The following UBE2G1 variants were observed in gnomAD, a reference collection of about 807,000 sequenced individuals.
UBE2G1 encodes ubiquitin conjugating enzyme E2 G1, also known as ubiquitin-conjugating enzyme E2 G1.
A neutral mutation model predicts 22.7 loss-of-function variants in UBE2G1; 5 were observed. The observed-to-expected ratio is 0.22, with a 90% CI of 0.12 to 0.46. UBE2G1 has a LOEUF of 0.46. Ranked by LOEUF, UBE2G1 falls within the 20% of genes least tolerant of loss-of-function variation. The pLI is 0.99. For missense variants in UBE2G1, 88 were observed against 203.9 expected (o/e 0.43, Z 3.46); for synonymous variants, 74 against 67.5 (o/e 1.10, Z -0.47).
Position 4,366,282 on chromosome 17 carries a change from C to T in UBE2G1, c.35G>A (p.Arg12Lys), listed in dbSNP as rs200440078. ...TELQSALLLR[R>K]QLAELNKNPV... is the part of the protein sequence containing the mutation. ...GCCCGCCTGCTCACCTGCCAGCTGT[C>T]TTCGCAGTAGCAGTGCCGACTGCAG... is the stretch of plus-strand genomic sequence containing the variant. Residue 12 changes from arginine to lysine, a missense_variant, in exon 1 of 6, where the codon AGA (arginine) becomes AAA (lysine). Physicochemically the swap from Arg to Lys is conservative, Grantham distance 26 (BLOSUM62 2). Transcript: ENST00000396981. The T allele has an allele frequency of 1.9e-6, 3 of 1,555,964 alleles. No individual in the cohort carries two copies. The highest frequency in any genetic ancestry group is 1.7e-6 in the Non-Finnish European group (2 of 1,160,292).
At chr17:4,317,288 T>A (rs1969386614) in intron 1 of UBE2G1, among the ~76,000 whole-genome samples, 2 of 152,124 alleles carry the variant, frequency 1.3e-5, no homozygotes, top group Admixed American at 1.3e-4. Context: ...AGAAGGAGGT[T>A]GCAATGAGCT....
At position 4,296,621 on chromosome 17, in the gene UBE2G1, AT is replaced by A. The variant is rs1305879540; in HGVS notation, c.247+95del. 3.6e-5 allele frequency: 46 copies of A among 1,286,102 alleles called. No homozygotes were observed. The Middle Eastern group carries it at 5.9e-4, about 16-fold the overall frequency. The allele number at this position is 1,286,102 out of a possible 1,614,324, so 79.7% of individuals were successfully genotyped here. A position where few individuals can be genotyped will look rare whatever the true frequency, so the allele number is the denominator to read the frequency against. The stretch of plus-strand genomic sequence containing the variant: ...TGAACAGTACAAAAATGCCAAAGCA[AT>A]TTCACTGAGAAACAGATCTTTCTTA... On this transcript the variant is annotated intron_variant, in intron 3 of 5. Coordinates refer to ENST00000396981, the MANE Select transcript of UBE2G1 (RefSeq NM_003342.5).
At chr17:4,332,308 T>C (rs976464223) in intron 1 of UBE2G1, among the ~76,000 whole-genome samples, 3 of 152,162 alleles carry the variant, frequency 2.0e-5, no homozygotes, top group Non-Finnish European at 4.4e-5. Context: ...TAGTGGAACA[T>C]AACCAGCACT....
intron 2 of UBE2G1, among the ~76,000 whole-genome samples, chr17:4,298,145 A>G (rs961243532): frequency 1.3e-5 from 2 of 152,196 alleles, no homozygotes; most frequent in Non-Finnish European, 2.9e-5. Context: ...TATTTCTAAA[A>G]CAAGCTAATT....
At position 4,309,400 on chromosome 17, in the gene UBE2G1, A is replaced by C. The variant is rs151005378; in HGVS notation, c.47-2277T>G. Among the ~76,000 whole-genome samples, 176 of 152,392 alleles carry C rather than the reference A, an allele frequency of 1.2e-3. 1 individual carries two copies. The highest frequency in any genetic ancestry group is 2.0e-3 in the Admixed American group (31 of 15,312). On this transcript the variant is annotated intron_variant, in intron 1 of 5. Coordinates refer to ENST00000396981, the MANE Select transcript of UBE2G1 (RefSeq NM_003342.5). The stretch of plus-strand genomic sequence containing the variant: ...ATAGTTAAAATCAGCTCTGTATTTC[A>C]AAACACAAGAAATGTACTTTTACTT...
chr17:4,347,973 C>A (rs1471226215), intron 1 of UBE2G1, among the ~76,000 whole-genome samples: 1 of 152,190 alleles, frequency 6.6e-6, no homozygotes, highest in African/African-American at 2.4e-5. Flanking sequence ...TCCCAATTAT[C>A]CTGAGACACA....
chr17:4,285,297 G>A (rs1254923635), intron 4 of UBE2G1, among the ~76,000 whole-genome samples: 2 of 151,788 alleles, frequency 1.3e-5, no homozygotes, highest in Non-Finnish European at 1.5e-5. Context: ...GGGAAAAAAA[G>A]AAAAGGAAAA....
At chr17:4,352,206 T>C (rs1023016488) in intron 1 of UBE2G1, among the ~76,000 whole-genome samples, 6 of 152,312 alleles carry the variant, frequency 3.9e-5, no homozygotes, top group African/African-American at 1.4e-4. Flanking sequence ...ATTAATTTTA[T>C]ATTCATTCTC....
intron 1 of UBE2G1, among the ~76,000 whole-genome samples, chr17:4,346,571 G>T (rs888408339): frequency 2.0e-5 from 3 of 151,424 alleles, no homozygotes; most frequent in African/African-American, 7.3e-5. Context: ...AAGTGGCTGG[G>T]ACTATAGGTG....
At chr17:4,298,315 AAAAAG>A (rs891613926) in intron 2 of UBE2G1, among the ~76,000 whole-genome samples, 2 of 152,190 alleles carry the variant, frequency 1.3e-5, no homozygotes, top group African/African-American at 2.4e-5. Context: ...TGGGAAAAGA[AAAAAG>A]AAAAGAAAGG....
chr17:4,354,374 G>A (rs1216554258), intron 1 of UBE2G1, among the ~76,000 whole-genome samples: 1 of 152,186 alleles, frequency 6.6e-6, no homozygotes, highest in Non-Finnish European at 1.5e-5. Context: ...GCTGATTTAA[G>A]AGACAGCATT....
At chr17:4,293,464 A>C (rs1969068237) in intron 3 of UBE2G1, among the ~76,000 whole-genome samples, 1 of 152,174 alleles carries the variant, frequency 6.6e-6, no homozygotes, top group South Asian at 2.1e-4. Context: ...GGCTGTTATG[A>C]ATAATAAATG....
intron 1 of UBE2G1, among the ~76,000 whole-genome samples, chr17:4,351,975 C>T (rs960100229): frequency 2.0e-5 from 3 of 152,060 alleles, no homozygotes; most frequent in African/African-American, 7.2e-5. Context: ...GTATAAAATG[C>T]GGTGGTCTTG....
intron 1 of UBE2G1, among the ~76,000 whole-genome samples, chr17:4,357,624 T>C (rs979108557): frequency 6.6e-6 from 1 of 151,688 alleles, no homozygotes; most frequent in Non-Finnish European, 1.5e-5. Context: ...TGTTACTGTA[T>C]ACCACATATC....
chr17:4,296,967 A>C (rs2304585), intron 2 of UBE2G1, among the ~76,000 whole-genome samples, 153 bp from the exon 3 acceptor site: 11,158 of 152,294 alleles, frequency 0.073, 541 homozygotes, highest in South Asian at 0.15. Flanking sequence ...ACTTTCTCAA[A>C]TAAGTAGTTT....
At chr17:4,349,136 C>T (rs1969814878) in intron 1 of UBE2G1, among the ~76,000 whole-genome samples, 1 of 152,076 alleles carries the variant, frequency 6.6e-6, no homozygotes, top group African/African-American at 2.4e-5. Flanking sequence ...GCCTGACCAA[C>T]ATGGTGAAAC....
At chr17:4,351,642 G>A (rs1204209371) in intron 1 of UBE2G1, among the ~76,000 whole-genome samples, 1 of 151,896 alleles carries the variant, frequency 6.6e-6, no homozygotes, top group Non-Finnish European at 1.5e-5. Flanking sequence ...CCAAGTAAAA[G>A]AAGAAAAAAG....
chr17:4,344,044 A>G (rs550838481), intron 1 of UBE2G1, among the ~76,000 whole-genome samples: 1 of 152,166 alleles, frequency 6.6e-6, no homozygotes, highest in Admixed American at 6.6e-5. Context: ...AACAAATACA[A>G]TGGTACTCCA....
intron 2 of UBE2G1, among the ~76,000 whole-genome samples, chr17:4,304,354 T>C (rs143332028): frequency 1.3e-5 from 2 of 152,308 alleles, no homozygotes; most frequent in African/African-American, 4.8e-5. Flanking sequence ...TTTCTGTGGA[T>C]ATGAGTGGTT....
Sources: allele counts gnomAD v4.1 joint callset (sites outside exome capture counted in the v4.1 genomes callset), GRCh38; gene constraint gnomAD v4.1.1; transcripts MANE v1.5; gene names NCBI Gene and HGNC (gene_info 2026-07-23, HGNC 2026-07-21).